GLB1L2: variants seen among roughly 807,000 people sequenced by gnomAD.
GLB1L2 encodes the protein beta-galactosidase-1-like protein 2.
GLB1L2 carries 68 observed loss-of-function variants against 84.1 expected under a neutral mutation model. That is an observed-to-expected ratio of 0.81 (90% CI 0.67 to 0.99). GLB1L2 has a LOEUF of 0.99. GLB1L2 is among the 50% of genes least tolerant of loss of function. The pLI is 0.00. For missense variants in GLB1L2, 762 were observed against 805.6 expected (o/e 0.95, Z 0.66); for synonymous variants, 290 against 318.0 (o/e 0.91, Z 0.94).
In GLB1L2 at chr11:134,375,228, C is replaced by G; in HGVS notation, c.*170C>G. The G allele has an allele frequency of 3.4e-6, 2 of 582,162 alleles. No homozygotes were observed. Among genetic ancestry groups the G allele is most frequent in the Non-Finnish European group, 6.1e-6 (2 of 328,556 alleles). 36.1% of individuals were successfully genotyped at this position (582,162 alleles called of 1,614,324 possible). A position where few individuals can be genotyped will look rare whatever the true frequency, so the allele number is the denominator to read the frequency against. On this transcript the variant is annotated 3_prime_UTR_variant, in exon 19 of 19. Transcript: ENST00000535456. Reference sequence around the variant, plus strand: ...GTCTCAGCTCAAAACCCTAAGCCTGCAGGGAAAGGTGGGATGGCTCTGGGC... The same window carrying G: ...GTCTCAGCTCAAAACCCTAAGCCTGGAGGGAAAGGTGGGATGGCTCTGGGC...
At position 134,338,503 on chromosome 11, in the gene GLB1L2, C is replaced by T. The variant is rs895003070; in HGVS notation, c.87-4251C>T. Among the ~76,000 whole-genome samples, 8 of 152,108 alleles carry T rather than the reference C, an allele frequency of 5.3e-5. No individual in the cohort carries two copies. Among genetic ancestry groups the T allele is most frequent in the Non-Finnish European group, 7.4e-5 (5 of 68,016 alleles). On this transcript the variant is annotated intron_variant, in intron 1 of 18. Coordinates refer to ENST00000535456, the MANE Select transcript of GLB1L2 (RefSeq NM_001370461.1). The surrounding 1 kb of genome is among the most constrained non-coding windows in gnomAD (Gnocchi z 6.2). ...CTGCCCTTTTCCATCCACTCACATC[C>T]GGGAGCACTTTTTACTACACCTGGA...
At position 134,331,998 on chromosome 11, in the gene GLB1L2, T is replaced by C. The variant is rs1943300077; in HGVS notation, c.-64T>C. 8 of 1,179,562 alleles carry C rather than the reference T, an allele frequency of 6.8e-6. No individual in the cohort carries two copies. In the Admixed American group the frequency reaches 1.3e-4, roughly 20 times the overall value. 73.1% of individuals were successfully genotyped at this position (1,179,562 alleles called of 1,614,324 possible). A position where few individuals can be genotyped will look rare whatever the true frequency, so the allele number is the denominator to read the frequency against. Reference sequence around the variant, plus strand: ...GCGGCTCCGCCCCCCGCGGCGAGGCTCCCGCGCGCGGCTGAGTGCGGACTG... The same window carrying C: ...GCGGCTCCGCCCCCCGCGGCGAGGCCCCCGCGCGCGGCTGAGTGCGGACTG... On this transcript the variant is annotated 5_prime_UTR_variant, in exon 1 of 19. Coordinates refer to ENST00000535456, the MANE Select transcript of GLB1L2 (RefSeq NM_001370461.1).
Position 134,334,240 on chromosome 11 carries a change from G to A in GLB1L2, c.86+2093G>A, listed in dbSNP as rs1035366279. On this transcript the variant is annotated intron_variant, in intron 1 of 18. Coordinates refer to ENST00000535456, the MANE Select transcript of GLB1L2 (RefSeq NM_001370461.1). This position sits in a 1 kb window ranked among gnomAD's most constrained non-coding sequence, Gnocchi z 4.1. ...CTGGCCACCAAGTTCACTCTTTGTG[G>A]AGCCGAGCTGTCAGGAGCAGCCCCT... Among the ~76,000 whole-genome samples, 1 of 152,182 alleles carries A rather than the reference G, an allele frequency of 6.6e-6. No individual in the cohort carries two copies. Among genetic ancestry groups the A allele is most frequent in the South Asian group, 2.1e-4 (1 of 4,830 alleles).
At chr11:134,355,944 C>G (rs576840207) in intron 5 of GLB1L2, 3 of 473,226 alleles carry the variant, frequency 6.3e-6, no homozygotes, top group Admixed American at 2.4e-5. Context: ...GACGCATCCT[C>G]CTGACCACAC....
At chr11:134,373,997 G>C (rs1472142501) in intron 16 of GLB1L2, 148 bp from the exon 17 acceptor site, 10 of 729,822 alleles carry the variant, frequency 1.4e-5, no homozygotes, top group Non-Finnish European at 2.1e-5. Context: ...GGAATTCCCA[G>C]CATCCTACCG....
chr11:134,363,277 C>G (rs2136282828), intron 7 of GLB1L2, among the ~76,000 whole-genome samples: 1 of 152,344 alleles, frequency 6.6e-6, no homozygotes, highest in Non-Finnish European at 1.5e-5. Context: ...TTATTGTGAC[C>G]TAGAGGCAAG....
intron 2 of GLB1L2, 87 bp from the exon 3 acceptor site, chr11:134,344,300 T>C: frequency 6.8e-7 from 1 of 1,468,742 alleles, no homozygotes; most frequent in Non-Finnish European, 9.5e-7. Context: ...AGCCATCATA[T>C]TGGATTTTTG....
intron 6 of GLB1L2, among the ~76,000 whole-genome samples, chr11:134,356,641 G>T (rs973123387): frequency 2.0e-5 from 3 of 152,188 alleles, no homozygotes; most frequent in African/African-American, 7.2e-5. Flanking sequence ...TGGCTTAATT[G>T]CGTGGTGATG....
chr11:134,345,181 A>C lies in GLB1L2; in HGVS notation c.449+52A>C, dbSNP rs765776138. 4.6e-6 allele frequency: 7 copies of C among 1,519,736 alleles called. No homozygotes were observed. In the African/African-American group the frequency reaches 8.3e-5, roughly 18 times the overall value. The allele number at this position is 1,519,736 out of a possible 1,614,324, so 94.1% of individuals were successfully genotyped here. ...GTGCTGTGGCAAAAAGCTCACAGAC[A>C]TAGGTCTGGTTTGTTTCTGTGTTCC... is the stretch of plus-strand genomic sequence containing the variant. On this transcript the variant is annotated intron_variant, in intron 4 of 18. Transcript: ENST00000535456.
chr11:134,335,229 C>CTAT (rs1555086236), intron 1 of GLB1L2, among the ~76,000 whole-genome samples: 1 of 148,838 alleles, frequency 6.7e-6, no homozygotes, highest in Non-Finnish European at 1.5e-5. Context: ...ATGCAGGTCA[C>CTAT]TTTTTTTTTT....
intron 8 of GLB1L2, among the ~76,000 whole-genome samples, chr11:134,365,597 C>T (rs566728517): frequency 5.9e-5 from 9 of 152,312 alleles, no homozygotes; most frequent in African/African-American, 1.9e-4. Context: ...TTGGAAAGTG[C>T]CTAGCACAGC....
chr11:134,359,011 A>G (rs1432323400), intron 6 of GLB1L2, 49 bp from the exon 7 acceptor site: 1 of 1,357,328 alleles, frequency 7.4e-7, no homozygotes, highest in Non-Finnish European at 1.0e-6. Flanking sequence ...TCACTGCAGA[A>G]GCTCTAAGGA....
intron 5 of GLB1L2, 25 bp from the exon 6 acceptor site, chr11:134,356,276 C>CTGGTTT (rs1943700007): frequency 1.3e-6 from 2 of 1,597,558 alleles, no homozygotes; most frequent in Non-Finnish European, 1.7e-6. Flanking sequence ...CACTCAGCTC[C>CTGGTTT]TGGTTTTCTG....
In GLB1L2 at chr11:134,374,618, T is replaced by G. The variant is rs1170657089; in HGVS notation, c.1724T>G (p.Val575Gly). Residue 575 changes from valine to glycine, a missense_variant, in exon 18 of 19, where the codon GTT (valine) becomes GGT (glycine). Coordinates refer to ENST00000535456, the MANE Select transcript of GLB1L2 (RefSeq NM_001370461.1). ...TGTTTCAAGGGCTGGGAGAAGGGGG[T>G]TGTATTCATCAATGGCCAGAACCTT... ...FLKLEGWEKGVVFINGQNLGR... is the reference protein window; with the variant it reads ...FLKLEGWEKGGVFINGQNLGR... 2 of 1,613,528 alleles carry G rather than the reference T, an allele frequency of 1.2e-6. No homozygotes were observed. Among genetic ancestry groups the G allele is most frequent in the East Asian group, 4.5e-5 (2 of 44,858 alleles).
chr11:134,352,836 C>T (rs892973154), intron 5 of GLB1L2, among the ~76,000 whole-genome samples: 6 of 151,882 alleles, frequency 4.0e-5, no homozygotes, highest in Admixed American at 1.3e-4. Context: ...TTAGTAGAGA[C>T]GGGGTTTCCC....
chr11:134,348,645 A>G (rs942852605), intron 5 of GLB1L2, among the ~76,000 whole-genome samples: 1 of 152,200 alleles, frequency 6.6e-6, no homozygotes, highest in African/African-American at 2.4e-5. Flanking sequence ...TTTGAAATGT[A>G]CAGCTCAGCG....
At chr11:134,343,395 T>C (rs1415514976) in intron 2 of GLB1L2, among the ~76,000 whole-genome samples, 36 of 152,286 alleles carry the variant, frequency 2.4e-4, no homozygotes, top group Admixed American at 6.5e-5. Context: ...GCTGTGATGA[T>C]TGGCACATGG....
chr11:134,359,700 A>G (rs1025275971), intron 7 of GLB1L2: 4 of 152,360 alleles, frequency 2.6e-5, no homozygotes, highest in African/African-American at 9.6e-5. Context: ...TATCCTGCTG[A>G]ACGCCAGGCA....
At chr11:134,342,975 G>A (rs1054512753) in intron 2 of GLB1L2, 24 bp downstream of exon 2, 10 of 1,578,896 alleles carry the variant, frequency 6.3e-6, no homozygotes, top group East Asian at 2.3e-5. Flanking sequence ...CTGTCCCCCC[G>A]GAGCCTGGTT....
Sources: gnomAD v4.1 joint callset for allele counts (sites outside exome capture counted in the v4.1 genomes callset) on GRCh38, gnomAD v4.1.1 for gene constraint, Gnocchi (gnomAD v3.1) non-coding constraint, MANE v1.5 for transcripts, NCBI Gene and HGNC (gene_info 2026-07-23, HGNC 2026-07-21) for gene names.